Variants in FAM227B observed in about 807,000 individuals in gnomAD.
The protein encoded by FAM227B is family with sequence similarity 227 member B, also known as protein FAM227B.
FAM227B carries 88 observed loss-of-function variants against 73.8 expected under a neutral mutation model. The ratio of observed to expected loss-of-function variants is 1.19; its 90% CI spans 1.00 to 1.42. The LOEUF (loss-of-function observed/expected upper bound fraction) is 1.42. Ranked by LOEUF, FAM227B falls within the 40% of genes most tolerant of loss-of-function variation. The pLI is 0.00. For synonymous variants in FAM227B, 210 were observed against 190.5 expected (o/e 1.10, Z -0.84); for missense variants, 632 against 590.9 (o/e 1.07, Z -0.72).
intron 11 of FAM227B, chr15:49,423,040 G>T: frequency 4.5e-6 from 1 of 222,714 alleles, no homozygotes; most frequent in Admixed American, 5.2e-5. Context: ...CAGAACCAGA[G>T]ATCTGTTTCT....
At chr15:49,384,141 A>G (rs2046722683) in intron 11 of FAM227B, among the ~76,000 whole-genome samples, 1 of 152,102 alleles carries the variant, frequency 6.6e-6, no homozygotes, top group African/African-American at 2.4e-5. Context: ...TGTACCTATT[A>G]ATGTCATCAG....
At chr15:49,447,706 G>C (rs1485925739) in intron 11 of FAM227B, among the ~76,000 whole-genome samples, 1 of 151,618 alleles carries the variant, frequency 6.6e-6, no homozygotes, top group Admixed American at 6.6e-5. Context: ...TCAATTCATG[G>C]ATAATTGTTA....
At chr15:49,401,979 T>G (rs1312131627) in intron 11 of FAM227B, among the ~76,000 whole-genome samples, 1 of 151,228 alleles carries the variant, frequency 6.6e-6, no homozygotes, top group Non-Finnish European at 1.5e-5. Flanking sequence ...TGTGCACATG[T>G]ACCCTAAAAC....
chr15:49,452,616 T>A (rs966928978), intron 11 of FAM227B, among the ~76,000 whole-genome samples: 24 of 152,176 alleles, frequency 1.6e-4, no homozygotes, highest in African/African-American at 5.5e-4. Context: ...ATGCAGTCTT[T>A]AGGAAATATA....
At chr15:49,378,112 G>C (rs1294259160) in intron 11 of FAM227B, among the ~76,000 whole-genome samples, 1 of 152,116 alleles carries the variant, frequency 6.6e-6, no homozygotes, top group Non-Finnish European at 1.5e-5. Context: ...TTGTTGAAGA[G>C]ACTGTCTTTT....
chr15:49,612,557 T>G (rs569939788), intron 2 of FAM227B, among the ~76,000 whole-genome samples: 8 of 152,214 alleles, frequency 5.3e-5, no homozygotes, highest in African/African-American at 1.7e-4. Flanking sequence ...AAAGCATAAA[T>G]GAGTAGATGA....
intron 3 of FAM227B, among the ~76,000 whole-genome samples, chr15:49,607,015 C>A (rs900239254): frequency 1.3e-5 from 2 of 152,080 alleles, no homozygotes; most frequent in African/African-American, 4.8e-5. Flanking sequence ...TGAAACTCTG[C>A]AATGGAGTTT....
At chr15:49,410,431 C>T (rs1357396328) in intron 11 of FAM227B, among the ~76,000 whole-genome samples, 1 of 152,030 alleles carries the variant, frequency 6.6e-6, no homozygotes, top group Non-Finnish European at 1.5e-5. Flanking sequence ...CATCTATTTG[C>T]TCTTTTTTAG....
At position 49,328,131 on chromosome 15, in the gene FAM227B, G is replaced by T. The variant is rs1422605934; in HGVS notation, c.*437C>A. Reference sequence around the variant, plus strand: ...AGTTTGTTTGCTACCAAACCTGGAGGTGGGGCTTTGGTTTTGCTTGAGGCC... The same window carrying T: ...AGTTTGTTTGCTACCAAACCTGGAGTTGGGGCTTTGGTTTTGCTTGAGGCC... On this transcript the variant is annotated 3_prime_UTR_variant, in exon 16 of 16. Transcript: ENST00000299338. The T allele has an allele frequency of 1.2e-6, 2 of 1,614,068 alleles. No individual in the cohort carries two copies.
intron 11 of FAM227B, among the ~76,000 whole-genome samples, chr15:49,463,775 T>C (rs1296391658): frequency 2.0e-5 from 3 of 152,148 alleles, no homozygotes; most frequent in Non-Finnish European, 4.4e-5. Flanking sequence ...AAAGTACTTA[T>C]AATGTTTATG....
intron 10 of FAM227B, among the ~76,000 whole-genome samples, chr15:49,525,957 A>T (rs2060174065): frequency 6.6e-6 from 1 of 151,878 alleles, no homozygotes; most frequent in South Asian, 2.1e-4. Context: ...GTAATAGTGG[A>T]GGACTTCAAC....
At chr15:49,329,303 T>C in intron 15 of FAM227B, 1 of 985,448 alleles carries the variant, frequency 1.0e-6, no homozygotes, top group Non-Finnish European at 1.2e-6. Context: ...CTCTTGTGGA[T>C]GGACTATAGG....
At position 49,396,209 on chromosome 15, in the gene FAM227B, C is replaced by G. The variant is rs1169884906; in HGVS notation, c.1013-24810G>C. On this transcript the variant is annotated intron_variant, in intron 11 of 15. Transcript: ENST00000299338. ...GAAGCGCAAGGGGTCAGGGAGTTCC[C>G]TTTCCGAGTCAAAGAAAGGGGTGAC... 8.7e-6 allele frequency: 3 copies of G among 346,806 alleles called. No individual in the cohort carries two copies. In the East Asian group the frequency reaches 2.6e-4, roughly 30 times the overall value. The allele number at this position is 346,806 out of a possible 1,614,324, so 21.5% of individuals were successfully genotyped here.
At position 49,367,610 on chromosome 15, in the gene FAM227B, TGTAAGAGGAAGAAA is replaced by T; in HGVS notation, c.1111-16_1111-3del. On this transcript the variant is annotated splice_region_variant and splice_polypyrimidine_tract_variant and intron_variant, in intron 12 of 15. Coordinates refer to ENST00000299338, the MANE Select transcript of FAM227B (RefSeq NM_152647.3). The stretch of plus-strand genomic sequence containing the variant: ...TGGACCAGTACTACTATAGTGCGAC[TGTAAGAGGAAGAAA>T]ATAATCAAGACAACGATTACTTTTG... The T allele has an allele frequency of 6.5e-7, 1 of 1,547,230 alleles. No homozygotes were observed. Among genetic ancestry groups the T allele is most frequent in the Non-Finnish European group, 8.6e-7 (1 of 1,159,670 alleles).
chr15:49,460,004 A>C (rs1263410877), intron 11 of FAM227B, among the ~76,000 whole-genome samples: 1 of 152,162 alleles, frequency 6.6e-6, no homozygotes, highest in Non-Finnish European at 1.5e-5. Flanking sequence ...AAATTTCCAC[A>C]GCTATCACTT....
chr15:49,365,566 G>C, intron 13 of FAM227B: 2 of 891,952 alleles, frequency 2.2e-6, no homozygotes, highest in Admixed American at 3.4e-5. Context: ...AGGTCCAGCT[G>C]CAAGTTTAAC....
At chr15:49,506,068 C>T (rs1003008976) in intron 11 of FAM227B, among the ~76,000 whole-genome samples, 231 of 151,848 alleles carry the variant, frequency 1.5e-3, no homozygotes, top group African/African-American at 5.3e-3. Flanking sequence ...AAGGAAAAAC[C>T]TAATAAAAGT....
chr15:49,479,599 G>GTTTTTTTTTTTTTTTTTT lies in FAM227B; in HGVS notation c.1012+28594_1012+28611dup, dbSNP rs56097665. ...GTAGGATTTCATAGTTAATACCTCT[G>GTTTTTTTTTTTTTTTTTT]TTTTTTTTTTTTTTTTTTTTTTTTT... is the stretch of plus-strand genomic sequence containing the variant. On this transcript the variant is annotated intron_variant, in intron 11 of 15. Coordinates refer to ENST00000299338, the MANE Select transcript of FAM227B (RefSeq NM_152647.3). Among the ~76,000 whole-genome samples, 6 of 63,322 alleles carry GTTTTTTTTTTTTTTTTTT rather than the reference G, an allele frequency of 9.5e-5. 1 individual carries two copies. Among genetic ancestry groups the GTTTTTTTTTTTTTTTTTT allele is most frequent in the African/African-American group, 2.5e-4 (4 of 15,942 alleles). The allele number at this position is 63,322 out of a possible 152,430, so 41.5% of individuals were successfully genotyped here.
At chr15:49,579,953 T>C (rs1410396893) in intron 5 of FAM227B, among the ~76,000 whole-genome samples, 1 of 152,170 alleles carries the variant, frequency 6.6e-6, no homozygotes, top group Admixed American at 6.5e-5. Context: ...TAATTAAATG[T>C]TAAGGTTAAT....
Sources: allele counts gnomAD v4.1 joint callset (sites outside exome capture counted in the v4.1 genomes callset), GRCh38; gene constraint gnomAD v4.1.1; transcripts MANE v1.5; gene names NCBI Gene and HGNC (gene_info 2026-07-23, HGNC 2026-07-21).